Variants in DPP4 observed in about 807,000 individuals in gnomAD.
DPP4 encodes dipeptidyl peptidase 4, also known as ADCP-2.
A neutral mutation model predicts 122.4 loss-of-function variants in DPP4; 93 were observed. The ratio of observed to expected loss-of-function variants is 0.76; its 90% confidence interval spans 0.64 to 0.90. The LOEUF (loss-of-function observed/expected upper bound fraction) is 0.90, where lower values mean the gene tolerates loss of function less well. Ranked by LOEUF, DPP4 falls within the 40% of genes least tolerant of loss-of-function variation. The pLI, the probability that DPP4 is intolerant of heterozygous loss-of-function variation, is 0.00. For missense variants in DPP4, 914 were observed against 907.3 expected, an observed-to-expected ratio of 1.01 and a Z score of -0.09; for synonymous variants, 321 against 302.9, an observed-to-expected ratio of 1.06 and a Z score of -0.62.
chr2:162,033,681 A>T (rs375246042), intron 9 of DPP4, 28 bp from the exon 10 acceptor site: 9 of 1,471,450 alleles, frequency 6.1e-6, no homozygotes, highest in Admixed American at 4.2e-5. Context: ...CAGAATTGGT[A>T]TTGACAAAAA....
At chr2:162,060,871 T>G (rs1684744646) in intron 2 of DPP4, among the ~76,000 whole-genome samples, 1 of 151,796 alleles carries the variant, frequency 6.6e-6, no homozygotes, top group Non-Finnish European at 1.5e-5. Context: ...CCTTCCTTCC[T>G]TCCTTCCCTC....
At chr2:162,071,848 C>G (rs1291671816) in intron 2 of DPP4, among the ~76,000 whole-genome samples, 1 of 152,182 alleles carries the variant, frequency 6.6e-6, no homozygotes, top group East Asian at 1.9e-4. Flanking sequence ...GCCTCAGATC[C>G]CTAGGCCTTT....
intron 23 of DPP4, among the ~76,000 whole-genome samples, chr2:162,001,041 A>G (rs1701133740): frequency 6.6e-6 from 1 of 151,942 alleles, no homozygotes; most frequent in Non-Finnish European, 1.5e-5. Context: ...CCAATACGTA[A>G]CCTATTGAGA....
chr2:162,049,249 T>G (rs1411830174), intron 2 of DPP4, among the ~76,000 whole-genome samples: 1 of 152,228 alleles, frequency 6.6e-6, no homozygotes, highest in African/African-American at 2.4e-5. Context: ...TCTTAAGATT[T>G]TATTTCTTCA....
At position 162,008,617 on chromosome 2, in the gene DPP4, A is replaced by C. The variant is rs201712012; in HGVS notation, c.1932T>G (p.Ser644Arg). The part of the protein sequence containing the change: ...YVTSMVLGSG[S>R]GVFKCGIAVA... ...CGGCTATTCCACACTTGAACACGCC[A>C]CTTCCCGATCCCAGGACCATTGAGG... is the stretch of plus-strand genomic sequence containing the variant. The change falls in exon 22 of 26, where the codon AGT becomes AGG. Residue 644 changes from serine (S) to arginine (R), a missense_variant. Coordinates refer to ENST00000360534, the MANE Select transcript of DPP4 (RefSeq NM_001935.4). 5.0e-6 allele frequency: 8 copies of C among 1,613,504 alleles called. No individual in the cohort carries two copies. In the East Asian group the frequency reaches 1.8e-4, roughly 36 times the overall value.
chr2:162,031,573 C>T (rs552291330), intron 10 of DPP4, among the ~76,000 whole-genome samples: 31 of 152,254 alleles, frequency 2.0e-4, no homozygotes, highest in African/African-American at 7.2e-4. Flanking sequence ...GAAGCACTGA[C>T]TTTTCCATAC....
intron 23 of DPP4, among the ~76,000 whole-genome samples, chr2:162,003,485 C>T (rs182332167): frequency 1.2e-4 from 18 of 152,246 alleles, no homozygotes; most frequent in African/African-American, 4.3e-4. Flanking sequence ...CATGAACCTC[C>T]TTAGATGTCA....
At chr2:161,994,153 G>A (rs911042221) in intron 25 of DPP4, among the ~76,000 whole-genome samples, 2 of 152,150 alleles carry the variant, frequency 1.3e-5, no homozygotes, top group African/African-American at 4.8e-5. Context: ...AGTAGCATTT[G>A]TCTTTTCTTT....
intron 2 of DPP4, among the ~76,000 whole-genome samples, chr2:162,070,300 T>C (rs1685073153): frequency 1.3e-5 from 2 of 152,000 alleles, no homozygotes; most frequent in South Asian, 4.2e-4. Context: ...ATGACAATAG[T>C]ATTAAGCCTC....
At position 162,020,302 on chromosome 2, in the gene DPP4, G is replaced by GTTTT; in HGVS notation, c.1177-7_1177-6insAAAA. Reference sequence around the variant, plus strand: ...TTTGTAATAAATGTGCAGTCCTGATGGTTTTTTTTTTTTTTCAAAAAAAAA... The same window carrying GTTTT: ...TTTGTAATAAATGTGCAGTCCTGATGTTTTGTTTTTTTTTTTTTTCAAAAAAAAA... On this transcript the variant is annotated splice_polypyrimidine_tract_variant and splice_region_variant and intron_variant, in intron 13 of 25. Transcript: ENST00000360534. 1 of 1,290,960 alleles carries GTTTT rather than the reference G, an allele frequency of 7.7e-7. No individual in the cohort carries two copies. Among genetic ancestry groups the GTTTT allele is most frequent in the Non-Finnish European group, 1.0e-6 (1 of 985,714 alleles). 80.0% of individuals were successfully genotyped at this position (1,290,960 alleles called of 1,614,324 possible). A position where few individuals can be genotyped will look rare whatever the true frequency, so the allele number is the denominator to read the frequency against.
chr2:162,052,351 CA>C (rs1253826029), intron 2 of DPP4, among the ~76,000 whole-genome samples: 4 of 143,984 alleles, frequency 2.8e-5, no homozygotes, highest in Middle Eastern at 3.8e-3. Context: ...AAGTGGAGGA[CA>C]GGGGCGCTGG....
At chr2:162,013,498 A>T (rs1682786244) in intron 19 of DPP4, among the ~76,000 whole-genome samples, 1 of 151,974 alleles carries the variant, frequency 6.6e-6, no homozygotes, top group South Asian at 2.1e-4. Flanking sequence ...TCTGATACTA[A>T]TATCTGGGTC....
intron 2 of DPP4, among the ~76,000 whole-genome samples, chr2:162,056,203 A>G (rs1684569061): frequency 6.6e-6 from 1 of 152,168 alleles, no homozygotes; most frequent in African/African-American, 2.4e-5. Context: ...TATACATTTT[A>G]CTTTTTTATA....
At chr2:162,045,903 C>A (rs916443925) in intron 4 of DPP4, among the ~76,000 whole-genome samples, 6 of 152,074 alleles carry the variant, frequency 3.9e-5, no homozygotes, top group African/African-American at 1.4e-4. Flanking sequence ...AAGCAAAATG[C>A]CAGGCATGGG....
chr2:161,995,131 A>T (rs554598752), intron 24 of DPP4, 97 bp from the exon 25 acceptor site: 41 of 1,419,802 alleles, frequency 2.9e-5, no homozygotes, highest in Non-Finnish European at 3.4e-5. Flanking sequence ...GGACTGTTTG[A>T]AGTTCTAGGA....
rs190481278 is a variant in DPP4, at chr2:162,034,763, G to A, written c.774+401C>T. Among the ~76,000 whole-genome samples, 21 of 152,228 alleles carry A rather than the reference G, an allele frequency of 1.4e-4. No homozygotes were observed. The East Asian group carries it at 1.7e-3, about 13-fold the overall frequency. On this transcript the variant is annotated intron_variant, in intron 9 of 25. Transcript: ENST00000360534. ...ACCACTAAAACTAGTCATGTATCCC[G>A]TTAACTAGTAATACAATCTGATATA...
At chr2:162,032,211 T>C (rs1683572043) in intron 10 of DPP4, 1 of 152,224 alleles carries the variant, frequency 6.6e-6, no homozygotes, top group Non-Finnish European at 1.5e-5. Flanking sequence ...AAGTCAGGTT[T>C]GAATATAGAT....
intron 2 of DPP4, among the ~76,000 whole-genome samples, chr2:162,066,172 G>T (rs1056709042): frequency 2.6e-5 from 4 of 152,004 alleles, no homozygotes; most frequent in Non-Finnish European, 5.9e-5. Flanking sequence ...TGTCCAAGGA[G>T]CCATCCTTAC....
At position 162,046,990 on chromosome 2, in the gene DPP4, G is replaced by C. The variant is rs1241341759; in HGVS notation, c.210C>G (p.Tyr70Ter). 1 of 1,583,082 alleles carries C rather than the reference G, an allele frequency of 6.3e-7. No individual in the cohort carries two copies. Among genetic ancestry groups the C allele is most frequent in the Admixed American group, 1.7e-5 (1 of 59,564 alleles). ...ATACCAAGATATTATTTTCTTGTTTGTAGAGATATTCATGATCTAAAGAGA... is the reference window on the plus strand; with the variant it reads ...ATACCAAGATATTATTTTCTTGTTTCTAGAGATATTCATGATCTAAAGAGA... ...LRWISDHEYL[Y>*]KQENNILVFN... Residue 70 changes from tyrosine to a stop codon, truncating the protein, a stop_gained, in exon 4 of 26, where the codon TAC (tyrosine) becomes TAG (stop). Coordinates refer to ENST00000360534, the MANE Select transcript of DPP4 (RefSeq NM_001935.4). LOFTEE classifies it high-confidence loss of function.
Sources: gnomAD v4.1 joint callset for allele counts (sites outside exome capture counted in the v4.1 genomes callset) on GRCh38, gnomAD v4.1.1 for gene constraint, MANE v1.5 for transcripts, NCBI Gene and HGNC (gene_info 2026-07-23, HGNC 2026-07-21) for gene names.